The following TAMM41 variants were observed in gnomAD, a reference collection of about 807,000 sequenced individuals.
TAMM41 encodes TAM41 mitochondrial translocator assembly and maintenance homolog.
Under a neutral mutation model 44.1 loss-of-function variants are expected in TAMM41, and 36 were observed. That is an observed-to-expected ratio of 0.82 (90% CI 0.63 to 1.08). The LOEUF is 1.08. TAMM41 is among the 50% of genes least tolerant of loss of function. The probability of loss-of-function intolerance (pLI) is 0.00; values close to 1 mark genes in which losing one functional copy is unlikely to be tolerated. For synonymous variants in TAMM41, 164 were observed against 153.1 expected (o/e 1.07, Z -0.53); for missense variants, 417 against 404.3 (o/e 1.03, Z -0.27).
intron 5 of TAMM41, among the ~76,000 whole-genome samples, chr3:11,814,987 G>C (rs913626905): frequency 6.6e-6 from 1 of 152,006 alleles, no homozygotes; most frequent in Non-Finnish European, 1.5e-5. Flanking sequence ...AGAAAAGAAA[G>C]AAAGAAAGAG....
chr3:11,846,413 C>CA, intron 1 of TAMM41, 89 bp downstream of exon 1: 1 of 1,457,832 alleles, frequency 6.9e-7, no homozygotes, highest in Non-Finnish European at 9.5e-7. Context: ...GCAGAGCGGA[C>CA]AGGCAGCTCT....
the TAMM41 span, among the ~76,000 whole-genome samples, chr3:11,733,006 TTGTTTG>T: frequency 8.5e-5 from 11 of 128,948 alleles, 2 homozygotes; most frequent in Non-Finnish European, 1.1e-4. Flanking sequence ...TTTTGTTTGT[TTGTTTG>T]TTTTGAGATG....
At chr3:11,773,691 A>C in the TAMM41 span, among the ~76,000 whole-genome samples, 1 of 152,244 alleles carries the variant, frequency 6.6e-6, no homozygotes, top group African/African-American at 2.4e-5. Flanking sequence ...AATTTATAAC[A>C]GTATGCACAT....
intron 7 of TAMM41, among the ~76,000 whole-genome samples, chr3:11,800,559 AAAAG>A (rs2077723505): frequency 6.6e-6 from 1 of 151,350 alleles, no homozygotes; most frequent in African/African-American, 2.5e-5. Flanking sequence ...AAAAAAAAAA[AAAAG>A]ACTAAGAAGG....
intron 6 of TAMM41, 117 bp from the exon 7 acceptor site, chr3:11,808,012 A>C: frequency 1.4e-6 from 2 of 1,426,606 alleles, no homozygotes; most frequent in Non-Finnish European, 9.2e-7. Context: ...AAACCACCAA[A>C]TCTATCTCTG....
chr3:11,724,613 G>A, the TAMM41 span, among the ~76,000 whole-genome samples: 7 of 151,372 alleles, frequency 4.6e-5, no homozygotes, highest in Admixed American at 6.6e-5. Context: ...ACGGGGTTTC[G>A]CCATGTTGAC....
the TAMM41 span, among the ~76,000 whole-genome samples, chr3:11,722,716 A>G: frequency 6.6e-6 from 1 of 152,054 alleles, no homozygotes; most frequent in Non-Finnish European, 1.5e-5. Context: ...CACACCTGTA[A>G]TCCCAGCACT....
intron 3 of TAMM41, 105 bp from the exon 4 acceptor site, chr3:11,829,969 G>A: frequency 8.7e-7 from 1 of 1,144,324 alleles, no homozygotes; most frequent in South Asian, 1.4e-5. Flanking sequence ...TCCCACTGAA[G>A]ATCTTGGAAT....
At chr3:11,775,054 G>A in the TAMM41 span, among the ~76,000 whole-genome samples, 2 of 151,900 alleles carry the variant, frequency 1.3e-5, no homozygotes, top group African/African-American at 4.8e-5. Flanking sequence ...ATTTTTAGTA[G>A]AGATGGCGTT....
the TAMM41 span, among the ~76,000 whole-genome samples, chr3:11,769,399 C>T: frequency 3.3e-4 from 44 of 133,550 alleles, no homozygotes; most frequent in South Asian, 1.4e-3. Flanking sequence ...TGGTGTGGTT[C>T]GATCTGAGGT....
At chr3:11,787,081 C>T (rs1296447799), downstream of TAMM41, among the ~76,000 whole-genome samples, 1 of 152,194 alleles carries the variant, frequency 6.6e-6, no homozygotes, top group Middle Eastern at 3.2e-3. Context: ...TCAGCCAGAA[C>T]ACCTCCATGT....
the TAMM41 span, among the ~76,000 whole-genome samples, chr3:11,761,946 C>CAAAAAAA: frequency 2.7e-5 from 2 of 75,022 alleles, no homozygotes; most frequent in African/African-American, 4.4e-5. Flanking sequence ...GACTCTGTCT[C>CAAAAAAA]AAAAAAAAAA....
chr3:11,745,291 A>G, the TAMM41 span, among the ~76,000 whole-genome samples: 1 of 152,204 alleles, frequency 6.6e-6, no homozygotes, highest in African/African-American at 2.4e-5. Flanking sequence ...TGATCGTGCC[A>G]CTGCACTCCA....
At chr3:11,731,266 T>C in the TAMM41 span, among the ~76,000 whole-genome samples, 2 of 152,236 alleles carry the variant, frequency 1.3e-5, no homozygotes, top group Non-Finnish European at 2.9e-5. Context: ...GACTATTTTA[T>C]AGTTTAATAT....
chr3:11,782,123 G>C, the TAMM41 span, among the ~76,000 whole-genome samples: 47 of 152,310 alleles, frequency 3.1e-4, no homozygotes, highest in African/African-American at 1.0e-3. Flanking sequence ...CATCCTGCAG[G>C]CATGGCCCAA....
intron 4 of TAMM41, among the ~76,000 whole-genome samples, chr3:11,824,743 A>G (rs2078671805): frequency 6.6e-6 from 1 of 152,252 alleles, no homozygotes; most frequent in African/African-American, 2.4e-5. Context: ...GGAAGCATCC[A>G]AACAGAAGGA....
intron 4 of TAMM41, among the ~76,000 whole-genome samples, chr3:11,819,825 C>T (rs2078442096): frequency 6.6e-6 from 1 of 151,940 alleles, no homozygotes; most frequent in South Asian, 2.1e-4. Context: ...CTTATTTTTG[C>T]TCTAATAAAA....
chr3:11,807,694 C>G, intron 7 of TAMM41, 139 bp downstream of exon 7: 1 of 1,536,286 alleles, frequency 6.5e-7, no homozygotes, highest in Non-Finnish European at 8.7e-7. Flanking sequence ...TTGTACCTTA[C>G]TGCAATATCC....
At chr3:11,762,380 G>C in the TAMM41 span, among the ~76,000 whole-genome samples, 2 of 151,628 alleles carry the variant, frequency 1.3e-5, no homozygotes, top group African/African-American at 4.8e-5. Flanking sequence ...GTTCCCCAAA[G>C]CCATGGGTCA....
Sources: allele counts gnomAD v4.1 joint callset (sites outside exome capture counted in the v4.1 genomes callset), GRCh38; gene constraint gnomAD v4.1.1; transcripts MANE v1.5; gene names NCBI Gene and HGNC (gene_info 2026-07-23, HGNC 2026-07-21).